CCDC7: variants seen among roughly 807,000 people sequenced by gnomAD.
CCDC7 encodes coiled-coil domain containing 7, also known as coiled-coil domain-containing protein 7.
A neutral mutation model predicts 196.9 loss-of-function variants in CCDC7; 183 were observed. The observed-to-expected ratio is 0.93, with a 90% confidence interval of 0.82 to 1.05. CCDC7 has a LOEUF of 1.05. CCDC7 is among the 50% of genes least tolerant of loss of function. The pLI is 0.00. For synonymous variants in CCDC7, 525 were observed against 484.6 expected, an observed-to-expected ratio of 1.08 and a Z score of -1.10; for missense variants, 1,540 against 1,482.2, an observed-to-expected ratio of 1.04 and a Z score of -0.64.
At chr10:32,833,669 G>A (rs962775357) in intron 32 of CCDC7, among the ~76,000 whole-genome samples, 2 of 151,954 alleles carry the variant, frequency 1.3e-5, no homozygotes, top group African/African-American at 4.8e-5. Context: ...GTTGCTGTAG[G>A]TCATCATTTT....
At chr10:32,821,786 G>A (rs1403296241) in intron 31 of CCDC7, among the ~76,000 whole-genome samples, 3 of 150,736 alleles carry the variant, frequency 2.0e-5, no homozygotes, top group Non-Finnish European at 3.0e-5. Context: ...ACAGGAAGGG[G>A]AACATCACAC....
intron 8 of CCDC7, among the ~76,000 whole-genome samples, chr10:32,481,209 T>A (rs911222489): frequency 1.3e-5 from 2 of 152,208 alleles, no homozygotes; most frequent in Non-Finnish European, 2.9e-5. Flanking sequence ...TCCCTTCACA[T>A]TTATTCTGTG....
chr10:32,797,181 G>GTGTA (rs1555153643), intron 29 of CCDC7, among the ~76,000 whole-genome samples: 1 of 149,834 alleles, frequency 6.7e-6, no homozygotes, highest in African/African-American at 2.5e-5. Context: ...GTGTGTGTGT[G>GTGTA]TATATATATA....
intron 32 of CCDC7, among the ~76,000 whole-genome samples, chr10:32,828,182 A>C (rs2091430657): frequency 6.6e-6 from 1 of 152,116 alleles, no homozygotes; most frequent in South Asian, 2.1e-4. Flanking sequence ...AAGCCCCTTT[A>C]AGATGCCCTG....
chr10:32,834,494 T>A lies in CCDC7; in HGVS notation c.3269-321T>A, dbSNP rs561313643. Reference sequence around the variant, plus strand: ...ATTTCAGTTTGGAAAAGAGGCAGCATTGTATGGAAGAAAGCACTGGTTAAG... The same window carrying A: ...ATTTCAGTTTGGAAAAGAGGCAGCAATGTATGGAAGAAAGCACTGGTTAAG... On this transcript the variant is annotated intron_variant, in intron 32 of 41. Transcript: ENST00000639629. Among the ~76,000 whole-genome samples, 91 of 152,186 alleles carry A rather than the reference T, an allele frequency of 6.0e-4. 3 individuals carry two copies. In the South Asian group the frequency reaches 0.019, roughly 31 times the overall value.
At chr10:32,756,372 C>T (rs1439930250) in intron 28 of CCDC7, among the ~76,000 whole-genome samples, 1 of 152,200 alleles carries the variant, frequency 6.6e-6, no homozygotes, top group Non-Finnish European at 1.5e-5. Flanking sequence ...GTCGCGTTAC[C>T]CACAAAGGGA....
At chr10:32,648,214 T>G (rs1039317764) in intron 20 of CCDC7, among the ~76,000 whole-genome samples, 5 of 152,320 alleles carry the variant, frequency 3.3e-5, no homozygotes, top group African/African-American at 1.2e-4. Flanking sequence ...AGTACCAAAC[T>G]GTTTTGGTTA....
intron 18 of CCDC7, among the ~76,000 whole-genome samples, chr10:32,598,495 C>T (rs1001359093): frequency 1.8e-4 from 27 of 152,128 alleles, no homozygotes; most frequent in African/African-American, 5.3e-4. Context: ...GCTGCACCCA[C>T]GTGTCTGGGA....
chr10:32,582,190 C>A (rs2058818259), intron 16 of CCDC7, among the ~76,000 whole-genome samples: 2 of 142,384 alleles, frequency 1.4e-5, no homozygotes, highest in African/African-American at 2.6e-5. Flanking sequence ...TTTTTATAAC[C>A]CAAACTTTGC....
chr10:32,475,617 C>G (rs774414096), intron 8 of CCDC7, among the ~76,000 whole-genome samples: 5 of 152,138 alleles, frequency 3.3e-5, no homozygotes, highest in Admixed American at 6.6e-5. Context: ...TTCGTAAGAT[C>G]TTTTTTCAGT....
chr10:32,646,793 G>T (rs1716014), intron 20 of CCDC7, among the ~76,000 whole-genome samples: 1 of 152,178 alleles, frequency 6.6e-6, no homozygotes, highest in Non-Finnish European at 1.5e-5. Flanking sequence ...TCCACATGTG[G>T]TCAATACTTA....
At position 32,528,154 on chromosome 10, in the gene CCDC7, A is replaced by G. The variant is rs77389116; in HGVS notation, c.993+9649A>G. 1.8e-3 allele frequency among the ~76,000 whole-genome samples: 267 copies of G among 152,294 alleles called. 2 individuals carry two copies. Among genetic ancestry groups the G allele is most frequent in the Admixed American group, 3.1e-3 (47 of 15,284 alleles). On this transcript the variant is annotated intron_variant, in intron 11 of 41. Coordinates refer to ENST00000639629, the Ensembl canonical transcript of CCDC7. ...CTATGTCTGGCTTGTTTCACTTAAT[A>G]TAATGGCCTCCAGTTTCATCCATGT... is the stretch of plus-strand genomic sequence containing the variant.
intron 21 of CCDC7, among the ~76,000 whole-genome samples, chr10:32,669,087 G>T (rs1213555113): frequency 1.3e-5 from 2 of 151,828 alleles, no homozygotes; most frequent in Admixed American, 6.6e-5. Flanking sequence ...ATACCTAACT[G>T]GTTTAAAATT....
intron 29 of CCDC7, among the ~76,000 whole-genome samples, chr10:32,803,993 A>G (rs1019367601): frequency 6.6e-6 from 1 of 152,134 alleles, no homozygotes; most frequent in African/African-American, 2.4e-5. Flanking sequence ...ACTACTTTCT[A>G]ATATAAATTT....
At chr10:32,705,716 CAAAG>C (rs956958707) in intron 24 of CCDC7, among the ~76,000 whole-genome samples, 19 of 152,066 alleles carry the variant, frequency 1.2e-4, no homozygotes, top group African/African-American at 4.1e-4. Flanking sequence ...TCAAAAGAGA[CAAAG>C]AAGGGCATTA....
At chr10:32,843,337 A>C (rs2093093192) in intron 33 of CCDC7, among the ~76,000 whole-genome samples, 1 of 151,984 alleles carries the variant, frequency 6.6e-6, no homozygotes, top group Admixed American at 6.6e-5. Context: ...TAGTGCAAAA[A>C]TGTTGAAGAA....
chr10:32,702,659 C>G (rs921757594), intron 24 of CCDC7, among the ~76,000 whole-genome samples: 1 of 152,130 alleles, frequency 6.6e-6, no homozygotes, highest in African/African-American at 2.4e-5. Flanking sequence ...GAGTCTAAGT[C>G]TCTTTGTAGG....
chr10:32,875,149 A>G (rs542548324), intron 41 of CCDC7, among the ~76,000 whole-genome samples: 2 of 152,062 alleles, frequency 1.3e-5, no homozygotes, highest in South Asian at 2.1e-4. Context: ...CCATTAGTCT[A>G]TGTATTTACT....
intron 18 of CCDC7, among the ~76,000 whole-genome samples, chr10:32,586,782 G>A (rs1403961647): frequency 6.6e-6 from 1 of 152,102 alleles, no homozygotes; most frequent in Non-Finnish European, 1.5e-5. Flanking sequence ...CTGTAGCCTT[G>A]TAGTATAGTT....
Sources: gnomAD v4.1 joint callset for allele counts (sites outside exome capture counted in the v4.1 genomes callset) on GRCh38, gnomAD v4.1.1 for gene constraint, MANE v1.5 for transcripts, NCBI Gene and HGNC (gene_info 2026-07-23, HGNC 2026-07-21) for gene names.